DOT1L: variants seen among roughly 807,000 people sequenced by gnomAD.
The protein encoded by DOT1L is histone-lysine N-methyltransferase, H3 lysine-79 specific.
In DOT1L, 33 loss-of-function variants were observed where a neutral mutation model predicts 153.3. That is an observed-to-expected ratio of 0.22 (90% CI 0.16 to 0.29). The LOEUF is 0.29. Ranked by LOEUF, DOT1L falls within the 10% of genes least tolerant of loss-of-function variation. The pLI, the probability that DOT1L is intolerant of heterozygous loss-of-function variation, is 1.00. For missense variants in DOT1L, 1,847 were observed against 2,119.9 expected, an observed-to-expected ratio of 0.87 and a Z score of 2.53; for synonymous variants, 1,135 against 965.1, an observed-to-expected ratio of 1.18 and a Z score of -3.26.
At chr19:2,183,896 A>G (rs532339240) in intron 2 of DOT1L, among the ~76,000 whole-genome samples, 1 of 151,802 alleles carries the variant, frequency 6.6e-6, no homozygotes, top group Non-Finnish European at 1.5e-5. Flanking sequence ...AAGCACTGGG[A>G]TTATAGGCAT....
In DOT1L at chr19:2,230,309, A is replaced by AT. The variant is rs1179615268; in HGVS notation, c.*519dup. ...CCAAAGGCAGGCCCGTCGCCACCAC[A>AT]TTCCTCGGAGGCCTCCCCGCGGCCT... is the stretch of plus-strand genomic sequence containing the variant. On this transcript the variant is annotated 3_prime_UTR_variant, in exon 28 of 28. Coordinates refer to ENST00000398665, the MANE Select transcript of DOT1L (RefSeq NM_032482.3). The AT allele has an allele frequency of 4.8e-6, 2 of 415,022 alleles. No homozygotes were observed. The highest frequency in any genetic ancestry group is 4.1e-5 in the Admixed American group (1 of 24,392). The allele number at this position is 415,022 out of a possible 1,614,324, so 25.7% of individuals were successfully genotyped here. A position where few individuals can be genotyped will look rare whatever the true frequency, so the allele number is the denominator to read the frequency against.
chr19:2,198,704 C>T (rs1017567264), intron 7 of DOT1L, among the ~76,000 whole-genome samples: 3 of 152,192 alleles, frequency 2.0e-5, no homozygotes, highest in African/African-American at 4.8e-5. Context: ...CTGCTGTGGC[C>T]CAGGTGCCCT....
Position 2,193,788 on chromosome 19 carries a change from G to A in DOT1L, c.588+5G>A. 6.2e-7 allele frequency: 1 copy of A among 1,613,370 alleles called. No individual in the cohort carries two copies. Among genetic ancestry groups the A allele is most frequent in the Non-Finnish European group, 8.5e-7 (1 of 1,179,688 alleles). On this transcript the variant is annotated splice_donor_5th_base_variant and intron_variant, in intron 6 of 27. Transcript: ENST00000398665. This position sits in a 1 kb window ranked among gnomAD's most constrained non-coding sequence, Gnocchi z 5.9. ...ATCCCGGCCAAGTATGCGGAGGTGAGCGGATCTGAGGGCCAGGGTGTGTTG... is the reference window on the plus strand; with the variant it reads ...ATCCCGGCCAAGTATGCGGAGGTGAACGGATCTGAGGGCCAGGGTGTGTTG...
At chr19:2,171,752 C>T (rs1196371699) in intron 1 of DOT1L, among the ~76,000 whole-genome samples, 1 of 152,198 alleles carries the variant, frequency 6.6e-6, no homozygotes, top group African/African-American at 2.4e-5. Flanking sequence ...GTGCAGTCCC[C>T]GCCCACTGTG....
Position 2,227,656 on chromosome 19 carries a change from T to G in DOT1L, c.4606+529T>G, listed in dbSNP as rs892875269. 10 of 1,258,970 alleles carry G rather than the reference T, an allele frequency of 7.9e-6. No homozygotes were observed. The Admixed American group carries it at 2.1e-4, about 27-fold the overall frequency. 78.0% of individuals were successfully genotyped at this position (1,258,970 alleles called of 1,614,324 possible). Reference sequence around the variant, plus strand: ...CTGGCGGCGCCGTTTCGCTTCCCTTTTTGTGAGCCTGCGGCTGCTGCTCTG... The same window carrying G: ...CTGGCGGCGCCGTTTCGCTTCCCTTGTTGTGAGCCTGCGGCTGCTGCTCTG... On this transcript the variant is annotated intron_variant, in intron 27 of 27. Transcript: ENST00000398665.
chr19:2,226,413 G>A lies in DOT1L; in HGVS notation c.3892G>A (p.Gly1298Ser), dbSNP rs546735573. Residue 1298 changes from glycine (G) to serine (S), a missense_variant, in exon 27 of 28, where the codon GGC becomes AGC. Physicochemically the swap from Gly to Ser is moderately conservative, Grantham distance 56. Transcript: ENST00000398665. Reference sequence around the variant, plus strand: ...CGCTCACCCCAGGAAAGGCTTTCCCGGCTCCCTGTCGGGGGCTGACGGACT... The same window carrying A: ...CGCTCACCCCAGGAAAGGCTTTCCCAGCTCCCTGTCGGGGGCTGACGGACT... ...LAAHPRKGFP[G>S]SLSGADGLSP... 15 of 1,598,962 alleles carry A rather than the reference G, an allele frequency of 9.4e-6. No homozygotes were observed. In the East Asian group the frequency reaches 1.3e-4, roughly 14 times the overall value.
At chr19:2,225,265 G>A (rs537574390) in intron 25 of DOT1L, 123 bp from the exon 26 acceptor site, 2 of 966,676 alleles carry the variant, frequency 2.1e-6, no homozygotes, top group Non-Finnish European at 3.3e-6. Context: ...CGGGTCCCCT[G>A]TCTGGGCCGA....
chr19:2,220,043 C>T lies in DOT1L; in HGVS notation c.2692-65C>T. The T allele has an allele frequency of 2.1e-6, 3 of 1,461,730 alleles. No homozygotes were observed. Among genetic ancestry groups the T allele is most frequent in the East Asian group, 2.3e-5 (1 of 43,544 alleles). 90.5% of individuals were successfully genotyped at this position (1,461,730 alleles called of 1,614,324 possible). ...CTGCAGGCCTCAACACTCACTGTTTCCAGCTGGGTTCTGGGTCTCCTGGGG... is the reference window on the plus strand; with the variant it reads ...CTGCAGGCCTCAACACTCACTGTTTTCAGCTGGGTTCTGGGTCTCCTGGGG... On this transcript the variant is annotated intron_variant, in intron 22 of 27. Transcript: ENST00000398665. This position sits in a 1 kb window ranked among gnomAD's most constrained non-coding sequence, Gnocchi z 4.5.
intron 3 of DOT1L, 103 bp downstream of exon 3, chr19:2,186,032 G>A (rs2022491818): frequency 9.0e-7 from 1 of 1,117,188 alleles, no homozygotes; most frequent in Non-Finnish European, 1.3e-6. Flanking sequence ...GATGGTGCAA[G>A]CTGATCTGAA....
At chr19:2,229,577 GTGTC>G (rs2024510644) in intron 27 of DOT1L, 1 of 985,474 alleles carries the variant, frequency 1.0e-6, no homozygotes, top group Non-Finnish European at 1.2e-6. Flanking sequence ...CTTGGCCGGC[GTGTC>G]CAGGTGTCAG....
At chr19:2,167,318 G>A (rs1047093567) in intron 1 of DOT1L, among the ~76,000 whole-genome samples, 8 of 152,360 alleles carry the variant, frequency 5.3e-5, no homozygotes, top group South Asian at 4.1e-4. Context: ...GGGGCCTGGG[G>A]TAGTGGTCTT....
At chr19:2,170,890 C>G (rs2021586130) in intron 1 of DOT1L, among the ~76,000 whole-genome samples, 1 of 152,088 alleles carries the variant, frequency 6.6e-6, no homozygotes, top group Non-Finnish European at 1.5e-5. Context: ...CTCCCGGGAC[C>G]TGTCCCCCTC....
intron 1 of DOT1L, among the ~76,000 whole-genome samples, chr19:2,180,353 A>G (rs1225699421): frequency 1.3e-5 from 2 of 152,150 alleles, no homozygotes; most frequent in Non-Finnish European, 1.5e-5. Context: ...TTGAGGGATC[A>G]ACTGACCTCC....
In DOT1L at chr19:2,204,734, C is replaced by T. The variant is rs993996278; in HGVS notation, c.787+1955C>T. On this transcript the variant is annotated intron_variant, in intron 9 of 27. Coordinates refer to ENST00000398665, the MANE Select transcript of DOT1L (RefSeq NM_032482.3). The surrounding 1 kb of genome is among the most constrained non-coding windows in gnomAD (Gnocchi z 5.7). Reference sequence around the variant, plus strand: ...GGGCCTTGATGGTCCCAGACATGCCCATGAGCATTTGTTAGCCTGGCTCTG... The same window carrying T: ...GGGCCTTGATGGTCCCAGACATGCCTATGAGCATTTGTTAGCCTGGCTCTG... Among the ~76,000 whole-genome samples, 1 of 152,222 alleles carries T rather than the reference C, an allele frequency of 6.6e-6. No individual in the cohort carries two copies. Among genetic ancestry groups the T allele is most frequent in the Non-Finnish European group, 1.5e-5 (1 of 68,050 alleles).
chr19:2,227,434 C>T (rs1032810674), intron 27 of DOT1L: 5 of 614,720 alleles, frequency 8.1e-6, no homozygotes, highest in South Asian at 3.0e-5. Flanking sequence ...TGTGGCCGCC[C>T]GGGCTCTGGC....
rs62120553 is a variant in DOT1L at position 2,191,263 on chromosome 19, G to A, written c.493+23G>A. On this transcript the variant is annotated intron_variant, in intron 5 of 27. Transcript: ENST00000398665. The surrounding 1 kb of genome is among the most constrained non-coding windows in gnomAD (Gnocchi z 6.8). ...GCGGTGAGTGTCGCCCGCCATGCCC[G>A]GCTCCTGTGCACTTCCAGGCCACAC... is the stretch of plus-strand genomic sequence containing the variant. 1 of 1,610,082 alleles carries A rather than the reference G, an allele frequency of 6.2e-7. No homozygotes were observed. Among genetic ancestry groups the A allele is most frequent in the Non-Finnish European group, 8.5e-7 (1 of 1,177,222 alleles).
rs1264201346 is a variant in DOT1L at position 2,208,370 on chromosome 19, C to T, written c.964-565C>T. Among the ~76,000 whole-genome samples, 1 of 152,130 alleles carries T rather than the reference C, an allele frequency of 6.6e-6. No individual in the cohort carries two copies. Among genetic ancestry groups the T allele is most frequent in the South Asian group, 2.1e-4 (1 of 4,828 alleles). The stretch of plus-strand genomic sequence containing the variant: ...GTCTGCACCCTCACTGTCCAGTGCT[C>T]GGAGCCTCCACTAGAGCCTGCCTGG... On this transcript the variant is annotated intron_variant, in intron 11 of 27. Coordinates refer to ENST00000398665, the MANE Select transcript of DOT1L (RefSeq NM_032482.3). The surrounding 1 kb of genome is among the most constrained non-coding windows in gnomAD (Gnocchi z 4.4).
rs537341563 is a variant in DOT1L, at chr19:2,190,828, T to C, written c.265-184T>C. Among the ~76,000 whole-genome samples the C allele has an allele frequency of 6.0e-4, 91 of 151,882 alleles. No individual in the cohort carries two copies. Among genetic ancestry groups the C allele is most frequent in the African/African-American group, 2.1e-3 (86 of 41,396 alleles). On this transcript the variant is annotated intron_variant, in intron 4 of 27. Coordinates refer to ENST00000398665, the MANE Select transcript of DOT1L (RefSeq NM_032482.3). The surrounding 1 kb of genome is among the most constrained non-coding windows in gnomAD (Gnocchi z 4.8). Reference sequence around the variant, plus strand: ...GGGCCTGTCCCTGGGGATGCTGCTTTACTGCTTGTAGGAAATGGGGCTGGG... The same window carrying C: ...GGGCCTGTCCCTGGGGATGCTGCTTCACTGCTTGTAGGAAATGGGGCTGGG...
At chr19:2,227,480 C>G in intron 27 of DOT1L, 1 of 546,256 alleles carries the variant, frequency 1.8e-6, no homozygotes, top group Non-Finnish European at 3.5e-6. Context: ...AAGAGCGAGT[C>G]CCCGCAGTGC....
Sources: allele counts gnomAD v4.1 joint callset (sites outside exome capture counted in the v4.1 genomes callset), GRCh38; gene constraint gnomAD v4.1.1; non-coding constraint Gnocchi (gnomAD v3.1); transcripts MANE v1.5; gene names NCBI Gene and HGNC (gene_info 2026-07-23, HGNC 2026-07-21).